The following FAM53A variants were observed in gnomAD, a reference collection of about 807,000 sequenced individuals.
FAM53A encodes protein FAM53A.
FAM53A carries 28 observed loss-of-function variants against 26.6 expected under a neutral mutation model. The observed-to-expected ratio is 1.05, with a 90% CI of 0.78 to 1.45. FAM53A has a LOEUF of 1.45. FAM53A is among the 40% of genes most tolerant of loss of function. The pLI, the probability that FAM53A is intolerant of heterozygous loss-of-function variation, is 0.00. For missense variants in FAM53A, 650 were observed against 575.8 expected (o/e 1.13, Z -1.32); for synonymous variants, 290 against 253.1 (o/e 1.15, Z -1.38).
At chr4:1,680,162 A>C (rs1715320745) in intron 1 of FAM53A, among the ~76,000 whole-genome samples, 1 of 151,670 alleles carries the variant, frequency 6.6e-6, no homozygotes, top group Non-Finnish European at 1.5e-5. Flanking sequence ...TCTACTAAAA[A>C]TACAAAATTA....
chr4:1,663,117 T>A (rs1379966365), intron 2 of FAM53A, among the ~76,000 whole-genome samples: 5 of 151,434 alleles, frequency 3.3e-5, no homozygotes, highest in Admixed American at 2.6e-4. Context: ...GAGAATGGCG[T>A]GAACCTGGGA....
intron 1 of FAM53A, among the ~76,000 whole-genome samples, chr4:1,674,645 G>A (rs1397734752): frequency 1.1e-4 from 16 of 148,490 alleles, no homozygotes; most frequent in African/African-American, 3.7e-4. Flanking sequence ...CTCCAGCTTG[G>A]GCAACAGAGT....
intron 1 of FAM53A, among the ~76,000 whole-genome samples, chr4:1,679,423 TCATGCCTGTAATCC>T (rs952349659): frequency 2.7e-5 from 4 of 147,188 alleles, no homozygotes; most frequent in African/African-American, 1.0e-4. Flanking sequence ...GTGCAGTGGT[TCATGCCTGTAATCC>T]CACTTTGGGA....
At chr4:1,654,859 G>C (rs1336133136) in intron 4 of FAM53A, 119 bp downstream of exon 4, 35 of 1,363,500 alleles carry the variant, frequency 2.6e-5, no homozygotes, top group Non-Finnish European at 3.2e-5. Context: ...TTTCCTCCCA[G>C]CCCAGAGAAG....
chr4:1,680,010 A>G (rs1183482989), intron 1 of FAM53A, among the ~76,000 whole-genome samples: 38 of 140,742 alleles, frequency 2.7e-4, no homozygotes, highest in African/African-American at 1.0e-3. Flanking sequence ...GCGACAGGGC[A>G]AGACTCCGTC....
chr4:1,591,045 C>T, the FAM53A span, among the ~76,000 whole-genome samples: 172 of 136,736 alleles, frequency 1.3e-3, no homozygotes, highest in African/African-American at 4.6e-3. Flanking sequence ...GAACTAGTCC[C>T]TAATATTCTT....
chr4:1,587,014 C>T, the FAM53A span, among the ~76,000 whole-genome samples: 7 of 152,162 alleles, frequency 4.6e-5, no homozygotes, highest in Non-Finnish European at 1.5e-5. Context: ...CTTTTTACAA[C>T]CCGTTGGCCA....
chr4:1,663,222 C>G (rs960579326), intron 2 of FAM53A, among the ~76,000 whole-genome samples: 2 of 152,270 alleles, frequency 1.3e-5, no homozygotes, highest in East Asian at 3.9e-4. Context: ...AATTAGAACT[C>G]TCATACATTG....
the FAM53A span, among the ~76,000 whole-genome samples, chr4:1,592,860 C>T: frequency 6.6e-6 from 1 of 152,144 alleles, no homozygotes. Context: ...CGCCTGGAGC[C>T]CCCCAGACAC....
At chr4:1,586,556 A>G in the FAM53A span, among the ~76,000 whole-genome samples, 1 of 151,974 alleles carries the variant, frequency 6.6e-6, no homozygotes, top group South Asian at 2.1e-4. Context: ...CGGGCGGATC[A>G]CGAGGTCAGA....
At chr4:1,604,723 C>T in the FAM53A span, among the ~76,000 whole-genome samples, 3 of 152,178 alleles carry the variant, frequency 2.0e-5, no homozygotes, top group Admixed American at 6.5e-5. Context: ...ATTGCTCCCA[C>T]GCCCTCCCGC....
At chr4:1,586,396 TG>T in the FAM53A span, among the ~76,000 whole-genome samples, 1 of 152,010 alleles carries the variant, frequency 6.6e-6, no homozygotes, top group Non-Finnish European at 1.5e-5. Flanking sequence ...GGTTTCATCA[TG>T]TTGGCCAGGC....
downstream of FAM53A, among the ~76,000 whole-genome samples, chr4:1,635,909 T>C (rs1377336752): frequency 6.9e-6 from 1 of 144,778 alleles, no homozygotes; most frequent in African/African-American, 2.6e-5. Flanking sequence ...AGTGGCGCGA[T>C]CTCGGCTCAC....
At chr4:1,660,520 C>A (rs548036855) in intron 2 of FAM53A, among the ~76,000 whole-genome samples, 1 of 151,140 alleles carries the variant, frequency 6.6e-6, no homozygotes, top group Non-Finnish European at 1.5e-5. Context: ...GCTAGGGAGG[C>A]CAAGGCTGCA....
At chr4:1,586,274 A>G in the FAM53A span, among the ~76,000 whole-genome samples, 2 of 151,482 alleles carry the variant, frequency 1.3e-5, no homozygotes, top group South Asian at 4.2e-4. Flanking sequence ...GCTCACCACA[A>G]TCTCTGCCTC....
At chr4:1,596,226 C>T in the FAM53A span, among the ~76,000 whole-genome samples, 1 of 152,250 alleles carries the variant, frequency 6.6e-6, no homozygotes, top group Admixed American at 6.5e-5. Flanking sequence ...CTCACATCCT[C>T]GCAGCACAGG....
At chr4:1,575,628 G>A in the FAM53A span, among the ~76,000 whole-genome samples, 9 of 152,118 alleles carry the variant, frequency 5.9e-5, no homozygotes, top group Non-Finnish European at 8.8e-5. Flanking sequence ...CCAGCAGGGG[G>A]AGGGAGGGGT....
At chr4:1,681,631 G>A (rs1462065780) in intron 1 of FAM53A, among the ~76,000 whole-genome samples, 1 of 151,364 alleles carries the variant, frequency 6.6e-6, no homozygotes, top group Admixed American at 6.6e-5. Flanking sequence ...CAAGTAGCCA[G>A]GACTACAGGT....
At position 1,659,208 on chromosome 4, in the gene FAM53A, A is replaced by G. The variant is rs1166256504; in HGVS notation, c.76-1740T>C. On this transcript the variant is annotated intron_variant, in intron 2 of 4. Coordinates refer to ENST00000308132, the MANE Select transcript of FAM53A (RefSeq NM_001174070.3). This position sits in a 1 kb window ranked among gnomAD's most constrained non-coding sequence, Gnocchi z 5.2. ...GGCCTGGTGCGGGCCCGGGAACCACACGACCTCCAGGTTCTCCCACCCCGG... is the reference window on the plus strand; with the variant it reads ...GGCCTGGTGCGGGCCCGGGAACCACGCGACCTCCAGGTTCTCCCACCCCGG... Among the ~76,000 whole-genome samples, 1 of 152,184 alleles carries G rather than the reference A, an allele frequency of 6.6e-6. No individual in the cohort carries two copies. The highest frequency in any genetic ancestry group is 1.5e-5 in the Non-Finnish European group (1 of 68,026).
Sources: allele counts gnomAD v4.1 joint callset (sites outside exome capture counted in the v4.1 genomes callset), GRCh38; gene constraint gnomAD v4.1.1; non-coding constraint Gnocchi (gnomAD v3.1); transcripts MANE v1.5; gene names NCBI Gene and HGNC (gene_info 2026-07-23, HGNC 2026-07-21).